RC3H2: variants seen among roughly 807,000 people sequenced by gnomAD.
RC3H2 encodes the protein ring finger and CCCH-type domains 2.
RC3H2 carries 31 observed loss-of-function variants against 133.3 expected under a neutral mutation model. The ratio of observed to expected loss-of-function variants is 0.23; its 90% CI spans 0.17 to 0.31. RC3H2 has a LOEUF of 0.31. Among genes scored for constraint, RC3H2 ranks in the 10% least tolerant of loss-of-function variants. The pLI is 1.00. For missense variants in RC3H2, 1,175 were observed against 1,437.2 expected (o/e 0.82, Z 2.95); for synonymous variants, 517 against 502.2 (o/e 1.03, Z -0.40).
intron 4 of RC3H2, among the ~76,000 whole-genome samples, chr9:122,884,432 AATG>A (rs746147720): frequency 3.3e-5 from 5 of 152,232 alleles, no homozygotes; most frequent in Admixed American, 1.3e-4. Context: ...TAATTTAAAA[AATG>A]ATATTAGCCT....
chr9:122,888,267 T>G (rs1490271540), intron 4 of RC3H2, among the ~76,000 whole-genome samples: 1 of 152,230 alleles, frequency 6.6e-6, no homozygotes, highest in East Asian at 1.9e-4. Context: ...AAATAATTCA[T>G]TCTCAAATGA....
At chr9:122,853,736 G>A (rs1830139070) in intron 18 of RC3H2, 13 of 1,281,780 alleles carry the variant, frequency 1.0e-5, no homozygotes, top group South Asian at 4.7e-5. Flanking sequence ...GATAGAGCAA[G>A]ATTCCATCTC....
At chr9:122,852,681 G>A (rs1443825093) in intron 18 of RC3H2, among the ~76,000 whole-genome samples, 10 of 148,918 alleles carry the variant, frequency 6.7e-5, no homozygotes, top group Non-Finnish European at 1.3e-4. Context: ...GAGGTGAGGG[G>A]CGCCTCTGCC....
chr9:122,896,120 TAAA>T (rs10561653), intron 2 of RC3H2, among the ~76,000 whole-genome samples: 30,377 of 144,634 alleles, frequency 0.21, 4,171 homozygotes, highest in East Asian at 0.58. Flanking sequence ...GCTGATGAGT[TAAA>T]AAAAAAAAAA....
Position 122,880,739 on chromosome 9 carries a change from C to G in RC3H2, c.815G>C (p.Ser272Thr), listed in dbSNP as rs528684986. ...ATGTTCTCTGCGTAATGCTTCATAA[C>G]TCCGAAATTCCTCCTTCAGCTGCAT... ...SLMQLKEEFR[S>T]YEALRREHDA... Residue 272 changes from serine (S) to threonine (T), a missense_variant, in exon 6 of 21, where the codon AGT (serine) becomes ACT (threonine). Ser to Thr is a moderately conservative substitution (Grantham distance 58, BLOSUM62 1). This residue lies in a region of RC3H2 where 121 missense variants were observed against 243.5 expected (regional missense o/e 0.50). Coordinates refer to ENST00000357244, the MANE Select transcript of RC3H2 (RefSeq NM_001100588.3). 1.2e-6 allele frequency: 2 copies of G among 1,614,116 alleles called. No individual in the cohort carries two copies. Among genetic ancestry groups the G allele is most frequent in the East Asian group, 2.2e-5 (1 of 44,862 alleles).
chr9:122,867,171 C>T (rs1213377579), intron 9 of RC3H2, among the ~76,000 whole-genome samples: 4 of 130,808 alleles, frequency 3.1e-5, no homozygotes, highest in East Asian at 2.1e-4. Flanking sequence ...GCCCGGCAGC[C>T]GGCCCATCTG....
chr9:122,855,329 T>A lies in RC3H2; in HGVS notation c.2670A>T (p.Glu890Asp). 10 of 1,614,140 alleles carry A rather than the reference T, an allele frequency of 6.2e-6. No individual in the cohort carries two copies. Among genetic ancestry groups the A allele is most frequent in the African/African-American group, 1.3e-5 (1 of 75,030 alleles). The change falls in exon 15 of 21, where the codon GAA becomes GAT. Residue 890 changes from glutamate to aspartate, a missense_variant. Glu to Asp is a conservative substitution (Grantham distance 45, BLOSUM62 2). Transcript: ENST00000357244. The part of the protein sequence containing the change: ...LFETQRRTKE[E>D]DPIIPFSDGP... ...CATCACTAAAGGGAATTATTGGATC[T>A]TCTTCTTTTGTCCTTCTCTGGGTTT... is the stretch of plus-strand genomic sequence containing the variant.
At chr9:122,852,972 G>A (rs960024428) in intron 18 of RC3H2, among the ~76,000 whole-genome samples, 11 of 152,200 alleles carry the variant, frequency 7.2e-5, no homozygotes, top group East Asian at 1.9e-4. Context: ...TTGAGAAATC[G>A]GATGGTAGCC....
chr9:122,866,154 CATTCTT>C (rs1180977338), intron 9 of RC3H2, among the ~76,000 whole-genome samples: 1 of 152,122 alleles, frequency 6.6e-6, no homozygotes, highest in Non-Finnish European at 1.5e-5. Flanking sequence ...TTAAAAAACT[CATTCTT>C]AAACAAACAT....
chr9:122,879,716 A>G, intron 8 of RC3H2, 39 bp downstream of exon 8: 5 of 1,333,770 alleles, frequency 3.7e-6, no homozygotes, highest in Non-Finnish European at 5.3e-6. Context: ...AAACTGAGTT[A>G]GAGACAACAG....
chr9:122,883,478 A>G (rs1831740518), intron 4 of RC3H2, 99 bp from the exon 5 acceptor site: 2 of 760,846 alleles, frequency 2.6e-6, no homozygotes, highest in African/African-American at 3.6e-5. Flanking sequence ...ATAGTGGCCC[A>G]TTACCCATAA....
rs201529893 is a variant in RC3H2, at chr9:122,869,655, C to T, written c.1326-3998G>A. ...TCAGCTCACTGCAACCTCTGCTTCC[C>T]GGGTTCAAGCAATTCTCCTGCCTCA... On this transcript the variant is annotated intron_variant, in intron 9 of 20. Transcript: ENST00000357244. Among the ~76,000 whole-genome samples the T allele has an allele frequency of 1.3e-3, 202 of 150,714 alleles. 2 individuals carry two copies. Among genetic ancestry groups the T allele is most frequent in the Non-Finnish European group, 5.3e-4 (36 of 67,834 alleles).
At position 122,865,615 on chromosome 9, in the gene RC3H2, C is replaced by T. The variant is rs146082777; in HGVS notation, c.1368G>A (p.Thr456=). 3.0e-5 allele frequency: 48 copies of T among 1,613,738 alleles called. No individual in the cohort carries two copies. In the Middle Eastern group the frequency reaches 1.3e-3, roughly 44 times the overall value. The change falls in exon 10 of 21, where the codon ACG becomes ACA. Residue 456 remains threonine, a synonymous_variant. Coordinates refer to ENST00000357244, the MANE Select transcript of RC3H2 (RefSeq NM_001100588.3). Reference sequence around the variant, plus strand: ...CACCAACTTTATTTAGAAGAGGAAACGTTCTTACAGTGGCATTGATCTTTT... The same window carrying T: ...CACCAACTTTATTTAGAAGAGGAAATGTTCTTACAGTGGCATTGATCTTTT... ...RNKKINATVR[T]FPLLNKVGVN... is the part of the protein sequence containing the mutation.
chr9:122,853,885 A>G (rs1830145374), intron 18 of RC3H2, 67 bp downstream of exon 18: 9 of 1,614,166 alleles, frequency 5.6e-6, no homozygotes, highest in Non-Finnish European at 7.6e-6. Context: ...CAGTAATGGT[A>G]TAACCAAGAT....
intron 1 of RC3H2, among the ~76,000 whole-genome samples, chr9:122,899,987 T>G (rs373818143): frequency 1.3e-5 from 2 of 152,220 alleles, no homozygotes; most frequent in South Asian, 2.1e-4. Context: ...GTGTGGGGCT[T>G]GGGGTGGGGG....
At chr9:122,863,033 C>A (rs1830518303) in intron 10 of RC3H2, among the ~76,000 whole-genome samples, 1 of 151,676 alleles carries the variant, frequency 6.6e-6, no homozygotes, top group Non-Finnish European at 1.5e-5. Context: ...AATTCTGAAA[C>A]ATTTTCATCA....
chr9:122,893,956 T>C (rs1017429033), intron 2 of RC3H2, among the ~76,000 whole-genome samples: 3 of 152,090 alleles, frequency 2.0e-5, no homozygotes, highest in African/African-American at 7.2e-5. Flanking sequence ...TATTTTGTAG[T>C]GCCGCTATAA....
intron 18 of RC3H2, 161 bp from the exon 19 acceptor site, chr9:122,851,597 C>T (rs1415264895): frequency 4.2e-5 from 37 of 891,130 alleles, no homozygotes; most frequent in Non-Finnish European, 5.8e-5. Flanking sequence ...AACCTCCCTG[C>T]CTGATTCTCC....
chr9:122,854,987 T>A (rs1830185189), intron 15 of RC3H2, among the ~76,000 whole-genome samples, 197 bp downstream of exon 15: 1 of 151,954 alleles, frequency 6.6e-6, no homozygotes, highest in Admixed American at 6.6e-5. Context: ...TGGTGGTGCA[T>A]GTCTATAATC....
Sources: allele counts gnomAD v4.1 joint callset (sites outside exome capture counted in the v4.1 genomes callset), GRCh38; gene constraint gnomAD v4.1.1; regional missense constraint gnomAD v4.1.1; transcripts MANE v1.5; gene names NCBI Gene and HGNC (gene_info 2026-07-23, HGNC 2026-07-21).